PALLD: variants seen among roughly 807,000 people sequenced by gnomAD.
The protein encoded by PALLD is palladin, cytoskeletal associated protein.
PALLD carries 61 observed loss-of-function variants against 123.5 expected under a neutral mutation model. The observed-to-expected ratio is 0.49, with a 90% CI of 0.40 to 0.61. PALLD has a LOEUF of 0.61. PALLD is among the 20% of genes least tolerant of loss of function. PALLD has a pLI of 0.00. For missense variants in PALLD, 1,273 were observed against 1,377.0 expected (o/e 0.92, Z 1.20); for synonymous variants, 465 against 496.4 (o/e 0.94, Z 0.84).
At position 168,527,422 on chromosome 4, in the gene PALLD, CAAAAAAA is replaced by C. The variant is rs35555541; in HGVS notation, c.908+15026_908+15032del. Among the ~76,000 whole-genome samples the C allele has an allele frequency of 1.9e-4, 10 of 52,916 alleles. No individual in the cohort carries two copies. In the East Asian group the frequency reaches 5.9e-3, roughly 31 times the overall value. The allele number at this position is 52,916 out of a possible 152,430, so 34.7% of individuals were successfully genotyped here. A position where few individuals can be genotyped will look rare whatever the true frequency, so the allele number is the denominator to read the frequency against. ...GGGCAACAGGAGTGAAACTCCATCT[CAAAAAAA>C]AAAAAAAAAAAAAAAGTCATGCTCA... On this transcript the variant is annotated intron_variant, in intron 2 of 21. Transcript: ENST00000505667.
intron 10 of PALLD, among the ~76,000 whole-genome samples, chr4:168,797,624 G>T (rs1282995267): frequency 6.6e-6 from 1 of 152,116 alleles, no homozygotes; most frequent in Non-Finnish European, 1.5e-5. Context: ...TGAAGAGATG[G>T]CTTGGAAGAA....
chr4:168,715,234 T>G (rs1785235696), intron 10 of PALLD, among the ~76,000 whole-genome samples: 2 of 152,142 alleles, frequency 1.3e-5, no homozygotes, highest in Admixed American at 1.3e-4. Context: ...ACGCATCCAC[T>G]TCAGCTCCTA....
At chr4:168,795,856 G>T (rs1327912065) in intron 10 of PALLD, among the ~76,000 whole-genome samples, 2 of 151,832 alleles carry the variant, frequency 1.3e-5, no homozygotes, top group Non-Finnish European at 2.9e-5. Flanking sequence ...CCACAGGCAA[G>T]CACCACCACA....
intron 10 of PALLD, among the ~76,000 whole-genome samples, chr4:168,766,421 T>C (rs1733668707): frequency 2.0e-5 from 3 of 152,236 alleles, no homozygotes; most frequent in Admixed American, 2.0e-4. Context: ...TTCAGGTCAA[T>C]TCCCAAAACT....
At chr4:168,789,886 A>G (rs1737269843) in intron 10 of PALLD, among the ~76,000 whole-genome samples, 1 of 151,954 alleles carries the variant, frequency 6.6e-6, no homozygotes, top group African/African-American at 2.4e-5. Context: ...CTGGTAGGGG[A>G]TTTTTCTTTT....
chr4:168,733,924 A>C (rs1306445962), intron 10 of PALLD, among the ~76,000 whole-genome samples: 2 of 152,122 alleles, frequency 1.3e-5, no homozygotes, highest in Non-Finnish European at 2.9e-5. Flanking sequence ...TTTAGTAGAG[A>C]CGGGGTTTCA....
chr4:168,501,153 C>T (rs1328829941), intron 1 of PALLD, among the ~76,000 whole-genome samples: 2 of 152,154 alleles, frequency 1.3e-5, no homozygotes, highest in Non-Finnish European at 2.9e-5. Context: ...TGGCTTGTGC[C>T]TGTAATCCCA....
At chr4:168,780,794 T>C (rs960578347) in intron 10 of PALLD, among the ~76,000 whole-genome samples, 36 of 152,234 alleles carry the variant, frequency 2.4e-4, no homozygotes, top group East Asian at 1.4e-3. Context: ...TTCTAGCGAT[T>C]CTCCTGCCTC....
At chr4:168,800,030 G>A (rs1478492775) in intron 10 of PALLD, among the ~76,000 whole-genome samples, 1 of 152,040 alleles carries the variant, frequency 6.6e-6, no homozygotes, top group East Asian at 1.9e-4. Flanking sequence ...CCCTAAAAAA[G>A]GTACATGAAG....
chr4:168,868,073 A>G (rs1750567728), intron 10 of PALLD, among the ~76,000 whole-genome samples: 1 of 152,164 alleles, frequency 6.6e-6, no homozygotes, highest in Non-Finnish European at 1.5e-5. Flanking sequence ...AGACCCTTCC[A>G]TGATGGCCAG....
intron 10 of PALLD, among the ~76,000 whole-genome samples, chr4:168,830,270 G>T (rs1415040787): frequency 1.3e-5 from 2 of 151,308 alleles, no homozygotes; most frequent in Admixed American, 6.6e-5. Flanking sequence ...GGCTGAGTGC[G>T]GTGGTCACGC....
intron 10 of PALLD, among the ~76,000 whole-genome samples, chr4:168,804,137 G>A (rs543193946): frequency 1.3e-5 from 2 of 152,344 alleles, no homozygotes; most frequent in East Asian, 3.9e-4. Flanking sequence ...ACAGCCCCAG[G>A]TTGAAAATGT....
intron 2 of PALLD, among the ~76,000 whole-genome samples, chr4:168,527,141 G>A (rs1321296275): frequency 6.6e-6 from 1 of 152,126 alleles, no homozygotes; most frequent in African/African-American, 2.4e-5. Context: ...CTTCCGAGGT[G>A]ACACGAGTCA....
intron 18 of PALLD, 131 bp from the exon 19 acceptor site, chr4:168,924,124 C>A: frequency 1.3e-6 from 1 of 748,272 alleles, no homozygotes; most frequent in Non-Finnish European, 2.3e-6. Context: ...AGGGGACTAG[C>A]ATCTTACCAC....
chr4:168,759,205 ATATATAT>A (rs1732447183), intron 10 of PALLD, among the ~76,000 whole-genome samples: 19 of 45,234 alleles, frequency 4.2e-4, no homozygotes, highest in African/African-American at 2.1e-3. Context: ...AAAAAAAAAT[ATATATAT>A]ATATATATAT....
chr4:168,565,094 G>A (rs1163249102), intron 2 of PALLD, among the ~76,000 whole-genome samples: 1 of 151,900 alleles, frequency 6.6e-6, no homozygotes, highest in Non-Finnish European at 1.5e-5. Flanking sequence ...TCAGGAGGCT[G>A]AGGCAGCAGA....
chr4:168,883,591 C>T (rs1320840707), intron 10 of PALLD, among the ~76,000 whole-genome samples: 1 of 152,144 alleles, frequency 6.6e-6, no homozygotes. Context: ...AGGATGCTTT[C>T]AAGATTATTC....
intron 17 of PALLD, among the ~76,000 whole-genome samples, chr4:168,917,534 T>G (rs1453849868): frequency 1.3e-5 from 2 of 152,190 alleles, no homozygotes; most frequent in African/African-American, 4.8e-5. Context: ...TTGCCCCCTG[T>G]TTACTGATCT....
chr4:168,878,643 A>G (rs191952129), intron 10 of PALLD, among the ~76,000 whole-genome samples: 26 of 140,740 alleles, frequency 1.8e-4, no homozygotes, highest in Non-Finnish European at 3.7e-4. Flanking sequence ...CTCATCAGGA[A>G]CTATTCAAAA....
Sources: allele counts gnomAD v4.1 joint callset (sites outside exome capture counted in the v4.1 genomes callset), GRCh38; gene constraint gnomAD v4.1.1; transcripts MANE v1.5; gene names NCBI Gene and HGNC (gene_info 2026-07-23, HGNC 2026-07-21).